Variants in SORCS2 observed in about 807,000 individuals in gnomAD.
SORCS2 encodes sortilin related VPS10 domain containing receptor 2.
In SORCS2, 100 loss-of-function variants were observed where a neutral mutation model predicts 141.6. That is an observed-to-expected ratio of 0.71 (90% CI 0.60 to 0.83). The LOEUF is 0.83. SORCS2 is among the 40% of genes least tolerant of loss of function. SORCS2 has a pLI of 0.00. For synonymous variants in SORCS2, 789 were observed against 676.9 expected, an observed-to-expected ratio of 1.17 and a Z score of -2.57; for missense variants, 1,646 against 1,560.2, an observed-to-expected ratio of 1.05 and a Z score of -0.93.
chr4:7,650,832 A>AG (rs1721402248), intron 4 of SORCS2, among the ~76,000 whole-genome samples: 1 of 151,046 alleles, frequency 6.6e-6, no homozygotes, highest in African/African-American at 2.4e-5. Flanking sequence ...CTCCTGGCCC[A>AG]GGCCTGAATC....
intron 1 of SORCS2, among the ~76,000 whole-genome samples, chr4:7,343,051 G>A (rs376872183): frequency 3.3e-5 from 5 of 152,332 alleles, no homozygotes; most frequent in Admixed American, 1.3e-4. Context: ...CAACGTTGAC[G>A]TAGTCCCCGA....
chr4:7,527,900 G>T (rs1297047952), intron 2 of SORCS2, among the ~76,000 whole-genome samples: 2 of 152,158 alleles, frequency 1.3e-5, no homozygotes, highest in Non-Finnish European at 2.9e-5. Context: ...GCAGCCTGGG[G>T]GGCTGAGGAT....
chr4:7,268,940 G>A (rs1714927707), intron 1 of SORCS2, among the ~76,000 whole-genome samples: 1 of 151,986 alleles, frequency 6.6e-6, no homozygotes, highest in East Asian at 1.9e-4. Flanking sequence ...GGGAAGGAGG[G>A]AGGTGGCAGG....
intron 3 of SORCS2, among the ~76,000 whole-genome samples, chr4:7,604,443 G>A (rs550857319): frequency 5.3e-5 from 8 of 152,184 alleles, no homozygotes; most frequent in South Asian, 2.1e-4. Context: ...TCAGCCTCCT[G>A]AGTAGCTGGC....
intron 26 of SORCS2, among the ~76,000 whole-genome samples, chr4:7,739,657 G>A (rs977852263): frequency 1.3e-5 from 2 of 152,140 alleles, no homozygotes; most frequent in East Asian, 1.9e-4. Flanking sequence ...GCTGTGCCGC[G>A]GGTGCTCCCA....
chr4:7,580,769 C>G (rs1432513714), intron 3 of SORCS2, among the ~76,000 whole-genome samples: 1 of 152,056 alleles, frequency 6.6e-6, no homozygotes, highest in Admixed American at 6.6e-5. Context: ...ATCCTGAACC[C>G]TTGAGTAGGG....
chr4:7,656,481 ACTGAGG>A (rs1402270290), intron 5 of SORCS2, among the ~76,000 whole-genome samples: 1 of 152,236 alleles, frequency 6.6e-6, no homozygotes, highest in Non-Finnish European at 1.5e-5. Flanking sequence ...ACAGGGAAGA[ACTGAGG>A]CTCGGGCACG....
At chr4:7,493,477 G>C (rs1731426882) in intron 2 of SORCS2, among the ~76,000 whole-genome samples, 1 of 152,224 alleles carries the variant, frequency 6.6e-6, no homozygotes, top group African/African-American at 2.4e-5. Context: ...GTGACTGTGG[G>C]TATCTCTGTG....
chr4:7,530,240 A>G (rs7688309), intron 2 of SORCS2, among the ~76,000 whole-genome samples: 96,546 of 152,182 alleles, frequency 0.63, 31,235 homozygotes, highest in East Asian at 0.9. Context: ...CGGCCCCCAG[A>G]GGACAAACTA....
chr4:7,728,517 A>G (rs762439498), intron 22 of SORCS2, 55 bp downstream of exon 22: 1 of 1,358,560 alleles, frequency 7.4e-7, no homozygotes, highest in Non-Finnish European at 1.0e-6. Context: ...CGGCATCCAG[A>G]GAAGCCCAAG....
At chr4:7,423,171 G>A (rs2109196448) in intron 2 of SORCS2, among the ~76,000 whole-genome samples, 1 of 152,282 alleles carries the variant, frequency 6.6e-6, no homozygotes, top group Non-Finnish European at 1.5e-5. Flanking sequence ...TGGAGGCTCT[G>A]ACTCCGTGCT....
At chr4:7,470,211 A>T (rs1729885998) in intron 2 of SORCS2, among the ~76,000 whole-genome samples, 1 of 144,308 alleles carries the variant, frequency 6.9e-6, no homozygotes, top group Admixed American at 6.8e-5. Flanking sequence ...CCATCCTCTC[A>T]TCCTCCCATC....
At chr4:7,643,278 G>C (rs886444440) in intron 4 of SORCS2, among the ~76,000 whole-genome samples, 3 of 152,202 alleles carry the variant, frequency 2.0e-5, no homozygotes, top group African/African-American at 7.2e-5. Flanking sequence ...TTGGTAGGAA[G>C]TGAGAGCCCA....
At chr4:7,336,331 G>T (rs1719987192) in intron 1 of SORCS2, among the ~76,000 whole-genome samples, 1 of 152,220 alleles carries the variant, frequency 6.6e-6, no homozygotes, top group Admixed American at 6.5e-5. Flanking sequence ...GTGTCTCCCA[G>T]TGGAGAGCTC....
intron 13 of SORCS2, 145 bp downstream of exon 13, chr4:7,703,516 G>A (rs1038086924): frequency 2.8e-4 from 189 of 663,970 alleles, no homozygotes; most frequent in Non-Finnish European, 6.0e-5. Context: ...CCTAAAGACC[G>A]GGGCTGGGAC....
rs116868325 is a variant in SORCS2, at chr4:7,196,454, T to C, written c.480+3328T>C. On this transcript the variant is annotated intron_variant, in intron 1 of 26. Transcript: ENST00000507866. ...AAATCGTGGGCTTATTGTGCTTATT[T>C]TAAGCACAGCTCACCTGGGCTCCTT... 9.8e-5 allele frequency among the ~76,000 whole-genome samples: 15 copies of C among 152,316 alleles called. No homozygotes were observed. In the East Asian group the frequency reaches 2.9e-3, roughly 29 times the overall value.
chr4:7,637,470 C>A (rs941034932), intron 3 of SORCS2, among the ~76,000 whole-genome samples: 1 of 152,228 alleles, frequency 6.6e-6, no homozygotes, highest in Admixed American at 6.5e-5. Flanking sequence ...TGAGCGCTCA[C>A]CTGTCTTGGC....
intron 1 of SORCS2, among the ~76,000 whole-genome samples, chr4:7,301,286 G>A (rs922291363): frequency 2.6e-5 from 4 of 152,190 alleles, no homozygotes; most frequent in African/African-American, 9.7e-5. Flanking sequence ...AGCAGCTATC[G>A]AAACAGAAAC....
chr4:7,510,356 T>A (rs996940139), intron 2 of SORCS2, among the ~76,000 whole-genome samples: 1 of 152,192 alleles, frequency 6.6e-6, no homozygotes, highest in African/African-American at 2.4e-5. Context: ...CCGTGTGGTG[T>A]CCTCCGAGCT....
Sources: allele counts gnomAD v4.1 joint callset (sites outside exome capture counted in the v4.1 genomes callset), GRCh38; gene constraint gnomAD v4.1.1; transcripts MANE v1.5; gene names NCBI Gene and HGNC (gene_info 2026-07-23, HGNC 2026-07-21).